Variants in IGFBP4 observed in about 807,000 individuals in gnomAD.
The protein encoded by IGFBP4 is insulin-like growth factor-binding protein 4.
IGFBP4 carries 9 observed loss-of-function variants against 25.8 expected under a neutral mutation model. That is an observed-to-expected ratio of 0.35 (90% CI 0.21 to 0.61). The LOEUF is 0.61. IGFBP4 is among the 20% of genes least tolerant of loss of function. The probability of loss-of-function intolerance (pLI) is 0.77; values close to 1 mark genes in which losing one functional copy is unlikely to be tolerated. For missense variants in IGFBP4, 315 were observed against 365.3 expected (o/e 0.86, Z 1.12); for synonymous variants, 153 against 153.9 (o/e 0.99, Z 0.05).
intron 1 of IGFBP4, 58 bp from the exon 2 acceptor site, chr17:40,452,927 G>A: frequency 7.5e-7 from 1 of 1,332,098 alleles, no homozygotes; most frequent in Non-Finnish European, 9.9e-7. Context: ...AGGCTGGGTT[G>A]GTGTGACGCT....
chr17:40,454,035 C>T lies in IGFBP4; in HGVS notation c.615C>T (p.Asp205=). ...DLYIIPIPNC[D]RNGNFHPKQC... ...ACATCATCCCCATCCCCAACTGCGA[C>T]CGCAACGGCAACTTCCACCCCAAGC... is the stretch of plus-strand genomic sequence containing the variant. Residue 205 remains aspartate (D), a synonymous_variant, in exon 3 of 4, where the codon GAC becomes GAT. Transcript: ENST00000269593. The T allele has an allele frequency of 6.2e-7, 1 of 1,612,672 alleles. No individual in the cohort carries two copies. Among genetic ancestry groups the T allele is most frequent in the Non-Finnish European group, 8.5e-7 (1 of 1,179,470 alleles).
At chr17:40,447,237 C>T (rs2035653230) in intron 1 of IGFBP4, among the ~76,000 whole-genome samples, 1 of 152,356 alleles carries the variant, frequency 6.6e-6, no homozygotes, top group East Asian at 1.9e-4. Flanking sequence ...GCCTGCCCTC[C>T]TGTCACAGCT....
chr17:40,446,541 G>A (rs1196178506), intron 1 of IGFBP4, among the ~76,000 whole-genome samples: 5 of 152,140 alleles, frequency 3.3e-5, no homozygotes, highest in Non-Finnish European at 7.3e-5. Flanking sequence ...ACTTGAACCC[G>A]GGAGGTGGAG....
intron 1 of IGFBP4, among the ~76,000 whole-genome samples, chr17:40,449,345 G>A (rs902388546): frequency 4.6e-5 from 7 of 152,160 alleles, no homozygotes; most frequent in African/African-American, 1.7e-4. Context: ...GCTCAGCACT[G>A]TGGCTCACGC....
chr17:40,456,215 G>A (rs770061818), intron 3 of IGFBP4, among the ~76,000 whole-genome samples: 12 of 152,136 alleles, frequency 7.9e-5, no homozygotes, highest in Non-Finnish European at 1.8e-4. Flanking sequence ...AAACCCGAGG[G>A]CTTTCTTAAG....
At chr17:40,454,790 G>A (rs1324298021) in intron 3 of IGFBP4, among the ~76,000 whole-genome samples, 2 of 152,222 alleles carry the variant, frequency 1.3e-5, no homozygotes, top group African/African-American at 4.8e-5. Context: ...TGTCTGGGCA[G>A]GGCTCTGGTG....
Position 40,444,095 on chromosome 17 carries a change from C to T in IGFBP4, c.349+11C>T. On this transcript the variant is annotated intron_variant, in intron 1 of 3. Transcript: ENST00000269593. ...GCCTGCAGCCCTCTGGTAAGGTACC[C>T]CTGGCCTCCCAATTCCCTCCTGAGT... 1 of 1,527,536 alleles carries T rather than the reference C, an allele frequency of 6.5e-7. No homozygotes were observed. Among genetic ancestry groups the T allele is most frequent in the Middle Eastern group, 1.8e-4 (1 of 5,606 alleles). 94.6% of individuals were successfully genotyped at this position (1,527,536 alleles called of 1,614,324 possible). A position where few individuals can be genotyped will look rare whatever the true frequency, so the allele number is the denominator to read the frequency against.
At chr17:40,448,999 C>G (rs1309304057) in intron 1 of IGFBP4, among the ~76,000 whole-genome samples, 1 of 152,142 alleles carries the variant, frequency 6.6e-6, no homozygotes, top group Non-Finnish European at 1.5e-5. Flanking sequence ...ACGGATTTAC[C>G]CTGTGTCCCC....
chr17:40,451,641 G>C lies in IGFBP4; in HGVS notation c.350-1344G>C, dbSNP rs538007343. ...CTGCCAACATCTGGAATGCTGGCAG[G>C]GGCTTTGCACTCAGGCCGGCAGCGA... On this transcript the variant is annotated intron_variant, in intron 1 of 3. Coordinates refer to ENST00000269593, the MANE Select transcript of IGFBP4 (RefSeq NM_001552.3). 8.5e-5 allele frequency among the ~76,000 whole-genome samples: 13 copies of C among 152,218 alleles called. No individual in the cohort carries two copies. The East Asian group carries it at 2.5e-3, about 29-fold the overall frequency.
intron 3 of IGFBP4, 149 bp downstream of exon 3, chr17:40,454,211 A>C: frequency 7.7e-6 from 9 of 1,169,638 alleles, no homozygotes; most frequent in Non-Finnish European, 1.0e-5. Flanking sequence ...AACCTACCTC[A>C]GCGTCAGAAC....
chr17:40,453,246 C>A lies in IGFBP4; in HGVS notation c.507+104C>A. The A allele has an allele frequency of 2.3e-6, 2 of 871,420 alleles. No individual in the cohort carries two copies. The highest frequency in any genetic ancestry group is 5.2e-5 in the South Asian group (2 of 38,714). 54.0% of individuals were successfully genotyped at this position (871,420 alleles called of 1,614,324 possible). A position where few individuals can be genotyped will look rare whatever the true frequency, so the allele number is the denominator to read the frequency against. On this transcript the variant is annotated intron_variant, in intron 2 of 3. Transcript: ENST00000269593. This position sits in a 1 kb window ranked among gnomAD's most constrained non-coding sequence, Gnocchi z 4.0. ...CCCACACACACCATCACCACCAGATCTGGGGCGTGTTCATTCAGCACACAT... is the reference window on the plus strand; with the variant it reads ...CCCACACACACCATCACCACCAGATATGGGGCGTGTTCATTCAGCACACAT...
chr17:40,444,922 CACACAGAGACAGAG>C lies in IGFBP4; in HGVS notation c.349+840_349+853del, dbSNP rs1208340281. Among the ~76,000 whole-genome samples the C allele has an allele frequency of 3.0e-3, 251 of 84,178 alleles. 2 individuals carry two copies. Among genetic ancestry groups the C allele is most frequent in the African/African-American group, 0.013 (238 of 18,536 alleles). The allele number at this position is 84,178 out of a possible 152,430, so 55.2% of individuals were successfully genotyped here. A position where few individuals can be genotyped will look rare whatever the true frequency, so the allele number is the denominator to read the frequency against. On this transcript the variant is annotated intron_variant, in intron 1 of 3. Transcript: ENST00000269593. ...ACACACACACACACACACACACACA[CACACAGAGACAGAG>C]AGAGAGAGAGAGAGAGAGAGAGAGA...
chr17:40,449,433 C>T (rs1363068055), intron 1 of IGFBP4, among the ~76,000 whole-genome samples: 1 of 151,876 alleles, frequency 6.6e-6, no homozygotes, highest in Non-Finnish European at 1.5e-5. Context: ...CTGGGAAACA[C>T]AGTGACACCC....
intron 1 of IGFBP4, 38 bp downstream of exon 1, chr17:40,444,122 C>A: frequency 6.9e-7 from 1 of 1,448,008 alleles, no homozygotes; most frequent in Non-Finnish European, 9.4e-7. Flanking sequence ...CTCCTGAGTG[C>A]GCTCCCTTCC....
At chr17:40,447,127 G>T (rs1194557494) in intron 1 of IGFBP4, among the ~76,000 whole-genome samples, 3 of 152,234 alleles carry the variant, frequency 2.0e-5, no homozygotes, top group African/African-American at 7.2e-5. Flanking sequence ...GGCTGGGGGA[G>T]GGTGGCCACT....
At chr17:40,454,119 C>CCT in intron 3 of IGFBP4, 57 bp downstream of exon 3, 1 of 1,574,352 alleles carries the variant, frequency 6.4e-7, no homozygotes, top group East Asian at 2.3e-5. Flanking sequence ...GCATTTCCGG[C>CCT]CTCTCCGCAG....
chr17:40,446,169 C>CAAAAAAAAAAA (rs71152673), intron 1 of IGFBP4, among the ~76,000 whole-genome samples: 1 of 99,278 alleles, frequency 1.0e-5, no homozygotes, highest in Non-Finnish European at 2.0e-5. Context: ...CCCGTCTCTA[C>CAAAAAAAAAAA]AAAAAAAAAA....
chr17:40,452,592 A>G (rs1298148438), intron 1 of IGFBP4, among the ~76,000 whole-genome samples: 1 of 152,010 alleles, frequency 6.6e-6, no homozygotes, highest in African/African-American at 2.4e-5. Context: ...CAACAGGGAG[A>G]ACGATCAGAT....
intron 1 of IGFBP4, among the ~76,000 whole-genome samples, chr17:40,448,799 A>C (rs1388176089): frequency 6.6e-6 from 1 of 152,136 alleles, no homozygotes; most frequent in Non-Finnish European, 1.5e-5. Flanking sequence ...AAAGTCAACA[A>C]ACCACGGTGC....
Sources: allele counts gnomAD v4.1 joint callset (sites outside exome capture counted in the v4.1 genomes callset), GRCh38; gene constraint gnomAD v4.1.1; non-coding constraint Gnocchi (gnomAD v3.1); transcripts MANE v1.5; gene names NCBI Gene and HGNC (gene_info 2026-07-23, HGNC 2026-07-21).